Variants in BMAL2 observed in about 807,000 individuals in gnomAD.
The protein encoded by BMAL2 is basic helix-loop-helix ARNT-like protein 2.
At chr12:27,375,286 A>G in the BMAL2 span, among the ~76,000 whole-genome samples, 5 of 152,342 alleles carry the variant, frequency 3.3e-5, no homozygotes, top group Middle Eastern at 3.4e-3. Context: ...CATATTATTT[A>G]TGATATTGAA....
At chr12:27,393,943 G>A in the BMAL2 span, among the ~76,000 whole-genome samples, 2 of 152,072 alleles carry the variant, frequency 1.3e-5, no homozygotes, top group East Asian at 3.9e-4. Context: ...CAGTTTTTTG[G>A]TGCTATTCAC....
the BMAL2 span, among the ~76,000 whole-genome samples, chr12:27,336,245 C>T: frequency 6.6e-6 from 1 of 152,080 alleles, no homozygotes; most frequent in Non-Finnish European, 1.5e-5. Context: ...GCAAGGGCAC[C>T]TGAGACATCC....
the BMAL2 span, among the ~76,000 whole-genome samples, chr12:27,367,525 C>T: frequency 6.6e-6 from 1 of 152,114 alleles, no homozygotes; most frequent in South Asian, 2.1e-4. Context: ...AGAAATATCT[C>T]AAAAGGATTG....
the BMAL2 span, among the ~76,000 whole-genome samples, chr12:27,387,772 T>A: frequency 0.04 from 6,091 of 152,290 alleles, 148 homozygotes; most frequent in South Asian, 0.071. Context: ...TTAACTAGTT[T>A]AGTACTTCAC....
the BMAL2 span, among the ~76,000 whole-genome samples, chr12:27,371,814 G>A: frequency 6.6e-5 from 10 of 152,052 alleles, no homozygotes; most frequent in Non-Finnish European, 2.9e-5. Context: ...ATTCAGTATT[G>A]TAGACCATCA....
chr12:27,360,818 A>AAAAAC, the BMAL2 span, among the ~76,000 whole-genome samples: 1 of 149,752 alleles, frequency 6.7e-6, no homozygotes, highest in African/African-American at 2.4e-5. Flanking sequence ...AAAAAAAAAA[A>AAAAAC]AAAAAAACAG....
chr12:27,350,789 C>T, the BMAL2 span, among the ~76,000 whole-genome samples: 1 of 151,928 alleles, frequency 6.6e-6, no homozygotes, highest in South Asian at 2.1e-4. Flanking sequence ...AAGCGATTCT[C>T]TTGCCTCAGC....
chr12:27,370,572 T>C, the BMAL2 span, among the ~76,000 whole-genome samples: 2 of 152,080 alleles, frequency 1.3e-5, no homozygotes, highest in Non-Finnish European at 2.9e-5. Context: ...TGTGGCACTG[T>C]TGGTTTTGAA....
At chr12:27,396,652 C>G in the BMAL2 span, among the ~76,000 whole-genome samples, 1 of 152,330 alleles carries the variant, frequency 6.6e-6, no homozygotes, top group East Asian at 1.9e-4. Context: ...CACTCCCACG[C>G]CAAGCTGGGC....
the BMAL2 span, among the ~76,000 whole-genome samples, chr12:27,410,940 T>G: frequency 3.9e-5 from 6 of 152,068 alleles, no homozygotes; most frequent in Non-Finnish European, 5.9e-5. Flanking sequence ...ATAGCAATGT[T>G]AAAAGAGAAA....
chr12:27,335,861 G>T, the BMAL2 span, among the ~76,000 whole-genome samples: 1 of 151,994 alleles, frequency 6.6e-6, no homozygotes, highest in African/African-American at 2.4e-5. Context: ...TTGACTCCAG[G>T]AAAAACAAAA....
chr12:27,351,894 A>G, the BMAL2 span, among the ~76,000 whole-genome samples: 6 of 152,296 alleles, frequency 3.9e-5, no homozygotes, highest in East Asian at 5.8e-4. Flanking sequence ...CTATTAATAC[A>G]TTATATTGTA....
the BMAL2 span, among the ~76,000 whole-genome samples, chr12:27,377,748 A>G: frequency 6.6e-6 from 1 of 152,230 alleles, no homozygotes; most frequent in Non-Finnish European, 1.5e-5. Context: ...CTTTAAAAAG[A>G]TAAAGAAAAA....
the BMAL2 span, chr12:27,421,360 A>G: frequency 6.6e-6 from 1 of 152,156 alleles, no homozygotes; most frequent in East Asian, 1.9e-4. Context: ...AGCCTGGCCA[A>G]TATGGTGAAA....
chr12:27,346,605 A>G, the BMAL2 span, among the ~76,000 whole-genome samples: 1 of 152,152 alleles, frequency 6.6e-6, no homozygotes, highest in Non-Finnish European at 1.5e-5. Context: ...CTTTGCCATG[A>G]TTCTCACTTT....
At chr12:27,404,646 C>G in the BMAL2 span, among the ~76,000 whole-genome samples, 1 of 152,262 alleles carries the variant, frequency 6.6e-6, no homozygotes, top group Admixed American at 6.5e-5. Context: ...CGAATAGGAA[C>G]AGCTCCAGTC....
the BMAL2 span, chr12:27,390,148 T>C: frequency 6.2e-7 from 1 of 1,614,102 alleles, no homozygotes; most frequent in Non-Finnish European, 8.5e-7. Flanking sequence ...GTGTGTATTC[T>C]GGCTCAAGAC....
the BMAL2 span, among the ~76,000 whole-genome samples, chr12:27,369,258 G>A: frequency 1.3e-5 from 2 of 151,984 alleles, no homozygotes; most frequent in South Asian, 4.2e-4. Context: ...TCAAGATAAG[G>A]ACATAATAAA....
chr12:27,403,044 G>A, the BMAL2 span, among the ~76,000 whole-genome samples: 1 of 152,154 alleles, frequency 6.6e-6, no homozygotes, highest in Non-Finnish European at 1.5e-5. Flanking sequence ...AGCTAACATT[G>A]TTCCTTGTCA....
Sources: gnomAD v4.1 joint callset for allele counts (sites outside exome capture counted in the v4.1 genomes callset) on GRCh38, gnomAD v4.1.1 for gene constraint, MANE v1.5 for transcripts, NCBI Gene and HGNC (gene_info 2026-07-23, HGNC 2026-07-21) for gene names.